The following KDM5C variants were observed in gnomAD, a reference collection of about 807,000 sequenced individuals.
KDM5C encodes the protein lysine-specific demethylase 5C.
A neutral mutation model predicts 110.6 loss-of-function variants in KDM5C; 16 were observed. The ratio of observed to expected loss-of-function variants is 0.14; its 90% CI spans 0.10 to 0.22. KDM5C has a LOEUF of 0.22. KDM5C is among the 10% of genes least tolerant of loss of function. The pLI is 1.00. For synonymous variants in KDM5C, 511 were observed against 520.4 expected (o/e 0.98, Z 0.24); for missense variants, 681 against 1,300.9 (o/e 0.52, Z 7.33).
At chrX:53,201,788 A>C (rs2146867421) in intron 13 of KDM5C, 44 bp from the exon 14 acceptor site, 1 of 1,210,673 alleles carries the variant, frequency 8.3e-7, no homozygotes, top group Non-Finnish European at 1.1e-6. Context: ...TCTGGAGGCC[A>C]TGATGCCCCA....
rs1602172992 is a variant in KDM5C at position 53,197,885 on chromosome X, T to G, written c.2517-9A>C. ...CAGCCACCCTGTGGGGGCTATGAAG[T>G]ATCACATGTGAGGTTTCAGGTCCAA... On this transcript the variant is annotated splice_polypyrimidine_tract_variant and intron_variant, in intron 17 of 25. Transcript: ENST00000375401. The G allele has an allele frequency of 4.3e-6, 5 of 1,154,696 alleles. No individual in the cohort carries two copies. Among genetic ancestry groups the G allele is most frequent in the Non-Finnish European group, 5.8e-6 (5 of 855,450 alleles).
At chrX:53,195,605 T>A in intron 20 of KDM5C, 195 bp from the exon 21 acceptor site, 1 of 499,905 alleles carries the variant, frequency 2.0e-6, no homozygotes, top group Non-Finnish European at 3.5e-6. Context: ...GCCCCAAATA[T>A]CTAGTCAGCC....
In KDM5C at chrX:53,198,485, C is replaced by T. The variant is rs2073036941; in HGVS notation, c.2516+5G>A. 1.7e-6 allele frequency: 2 copies of T among 1,199,450 alleles called. No homozygotes were observed. Among genetic ancestry groups the T allele is most frequent in the Non-Finnish European group, 2.2e-6 (2 of 889,745 alleles). On this transcript the variant is annotated splice_donor_5th_base_variant and intron_variant, in intron 17 of 25. Coordinates refer to ENST00000375401, the MANE Select transcript of KDM5C (RefSeq NM_004187.5). Reference sequence around the variant, plus strand: ...TGTGTGCCCTAACTCCTCACGCTGTCATACCCAGCTTCCTGGCCGCTGACC... The same window carrying T: ...TGTGTGCCCTAACTCCTCACGCTGTTATACCCAGCTTCCTGGCCGCTGACC...
chrX:53,197,739 T>G, intron 18 of KDM5C, 32 bp downstream of exon 18: 2 of 1,108,535 alleles, frequency 1.8e-6, no homozygotes, highest in Non-Finnish European at 1.2e-6. Flanking sequence ...CTGGTCCCCT[T>G]GATCCCTCAT....
intron 19 of KDM5C, 37 bp from the exon 20 acceptor site, chrX:53,196,091 T>C: frequency 1.7e-6 from 2 of 1,205,098 alleles, no homozygotes; most frequent in Admixed American, 2.2e-5. Context: ...CAGTCTGATG[T>C]GGTCTGCCTG....
chrX:53,180,321 G>A (rs1415088975), intron 25 of KDM5C, among the ~76,000 whole-genome samples: 1 of 111,526 alleles, frequency 9.0e-6, no homozygotes, highest in Non-Finnish European at 1.9e-5. Flanking sequence ...TTAGGGCAAT[G>A]AAACTACTCT....
intron 1 of KDM5C, chrX:53,221,604 T>C (rs1310432450): frequency 2.1e-6 from 1 of 482,973 alleles, no homozygotes; most frequent in Middle Eastern, 4.5e-4. Flanking sequence ...GGGCCTTTAA[T>C]GTTTGTTCTC....
chrX:53,198,333 C>T (rs782011367), intron 17 of KDM5C, among the ~76,000 whole-genome samples, 157 bp downstream of exon 17: 35 of 112,268 alleles, frequency 3.1e-4, no homozygotes, highest in Non-Finnish European at 6.4e-4. Context: ...TTGTCCCCCC[C>T]AACACCTTCC....
intron 23 of KDM5C, 53 bp from the exon 24 acceptor site, chrX:53,193,904 C>T (rs1302052545): frequency 9.0e-7 from 1 of 1,110,964 alleles, no homozygotes; most frequent in African/African-American, 1.8e-5. Flanking sequence ...GAACCAGGCC[C>T]TATTCCTCCT....
chrX:53,181,262 G>A (rs1934039557), intron 25 of KDM5C, among the ~76,000 whole-genome samples: 2 of 111,164 alleles, frequency 1.8e-5, no homozygotes, highest in African/African-American at 6.5e-5. Flanking sequence ...AACGCAGGTT[G>A]AATTCATAGG....
rs782466495 is a variant in KDM5C, at chrX:53,200,392, G to T, written c.2061+1158C>A. On this transcript the variant is annotated intron_variant, in intron 14 of 25. Coordinates refer to ENST00000375401, the MANE Select transcript of KDM5C (RefSeq NM_004187.5). Reference sequence around the variant, plus strand: ...CAGGATTCCAAGACTATGGTGTCCAGAATGCTTCTCTGAGGTAAGGGCCAA... The same window carrying T: ...CAGGATTCCAAGACTATGGTGTCCATAATGCTTCTCTGAGGTAAGGGCCAA... Among the ~76,000 whole-genome samples, 8 of 111,657 alleles carry T rather than the reference G, an allele frequency of 7.2e-5. No homozygotes were observed. In the East Asian group the frequency reaches 2.2e-3, roughly 31 times the overall value.
Position 53,178,008 on chromosome X carries a change from G to A in KDM5C, c.4309-1386C>T, listed in dbSNP as rs782740646. On this transcript the variant is annotated intron_variant, in intron 25 of 25. Transcript: ENST00000685641. ...AAAGTAGCTGGGACTATAGGTGCAC[G>A]CTACTCTGCTCAGCCAATATTTTAT... 9.0e-5 allele frequency among the ~76,000 whole-genome samples: 10 copies of A among 110,989 alleles called. No homozygotes were observed. The South Asian group carries it at 3.9e-3, about 43-fold the overall frequency.
chrX:53,224,435 C>A (rs2073980646), intron 1 of KDM5C, among the ~76,000 whole-genome samples: 1 of 111,899 alleles, frequency 8.9e-6, no homozygotes, highest in South Asian at 3.7e-4. Context: ...GTGGCCCGGG[C>A]TAAGAGATGT....
At chrX:53,203,676 G>T (rs1556843536) in intron 12 of KDM5C, among the ~76,000 whole-genome samples, 1 of 110,296 alleles carries the variant, frequency 9.1e-6, no homozygotes, top group Non-Finnish European at 1.9e-5. Context: ...TACAGTATAT[G>T]CCTTTCTTTT....
chrX:53,194,886 T>C lies in KDM5C; in HGVS notation c.3438+45A>G, dbSNP rs375683937. 6 of 1,205,941 alleles carry C rather than the reference T, an allele frequency of 5.0e-6. No homozygotes were observed. The Admixed American group carries it at 1.3e-4, about 26-fold the overall frequency. On this transcript the variant is annotated intron_variant, in intron 22 of 25. Coordinates refer to ENST00000375401, the MANE Select transcript of KDM5C (RefSeq NM_004187.5). ...TCATGGCCACCCAGCTCAGACACTCTATCATCACCAAGCCCTTCTCCCCAT... is the reference window on the plus strand; with the variant it reads ...TCATGGCCACCCAGCTCAGACACTCCATCATCACCAAGCCCTTCTCCCCAT...
chrX:53,204,194 C>T (rs2073242869), intron 12 of KDM5C, among the ~76,000 whole-genome samples: 1 of 108,553 alleles, frequency 9.2e-6, no homozygotes, highest in Admixed American at 9.9e-5. Flanking sequence ...TTGGGAAACT[C>T]CAGGTCTTTC....
At chrX:53,185,512 T>C (rs1016880907) in intron 25 of KDM5C, among the ~76,000 whole-genome samples, 3 of 112,155 alleles carry the variant, frequency 2.7e-5, no homozygotes, top group Non-Finnish European at 5.6e-5. Context: ...TAGCTTTACC[T>C]TAACTAGTAC....
In KDM5C at chrX:53,201,654, C is replaced by T. The variant is rs1459134824; in HGVS notation, c.1957G>A (p.Ala653Thr). 6 of 1,210,646 alleles carry T rather than the reference C, an allele frequency of 5.0e-6. No individual in the cohort carries two copies. The highest frequency in any genetic ancestry group is 6.7e-6 in the Non-Finnish European group (6 of 895,300). The change falls in exon 14 of 26, where the codon GCC (alanine) becomes ACC (threonine). Residue 653 changes from alanine (A) to threonine (T), a missense_variant. Coordinates refer to ENST00000375401, the MANE Select transcript of KDM5C (RefSeq NM_004187.5). ...TTCAGGTCTAGCTTCTCTGGGCAGG[C>T]AGCCATCTTGCAGATAAGCTCCTCA... ...SHEELICKMA[A>T]CPEKLDLNLA...
chrX:53,209,152 T>C (rs1160856472), intron 12 of KDM5C, among the ~76,000 whole-genome samples: 2 of 110,995 alleles, frequency 1.8e-5, no homozygotes, highest in African/African-American at 3.3e-5. Context: ...CATGGCATTA[T>C]AGACAAGGAC....
Sources: allele counts gnomAD v4.1 joint callset (sites outside exome capture counted in the v4.1 genomes callset), GRCh38; gene constraint gnomAD v4.1.1; transcripts MANE v1.5; gene names NCBI Gene and HGNC (gene_info 2026-07-23, HGNC 2026-07-21).